LMNB1: variants seen among roughly 807,000 people sequenced by gnomAD.
The protein encoded by LMNB1 is lamin-B1.
LMNB1 carries 23 observed loss-of-function variants against 67.1 expected under a neutral mutation model. That is an observed-to-expected ratio of 0.34 (90% CI 0.25 to 0.49). The LOEUF (loss-of-function observed/expected upper bound fraction) is 0.49. Ranked by LOEUF, LMNB1 falls within the 20% of genes least tolerant of loss-of-function variation. The pLI is 0.99. For missense variants in LMNB1, 634 were observed against 746.5 expected (o/e 0.85, Z 1.76); for synonymous variants, 281 against 282.9 (o/e 0.99, Z 0.07).
At chr5:126,819,601 C>G (rs1310022986) in intron 6 of LMNB1, among the ~76,000 whole-genome samples, 1 of 151,848 alleles carries the variant, frequency 6.6e-6, no homozygotes, top group Non-Finnish European at 1.5e-5. Context: ...AGCGATTTGC[C>G]TACCTCAGCC....
Position 126,799,133 on chromosome 5 carries a change from C to T in LMNB1, c.360-5643C>T, listed in dbSNP as rs998187515. Among the ~76,000 whole-genome samples, 5 of 152,058 alleles carry T rather than the reference C, an allele frequency of 3.3e-5. No homozygotes were observed. The South Asian group carries it at 1.0e-3, about 32-fold the overall frequency. ...CCTGGGGTTCACGCCATTCTCCTGC[C>T]TCAGCCTCCCGAGTAGCTGGGACTA... is the stretch of plus-strand genomic sequence containing the variant. On this transcript the variant is annotated intron_variant, in intron 1 of 10. Transcript: ENST00000261366.
intron 5 of LMNB1, 135 bp downstream of exon 5, chr5:126,812,033 T>G (rs1751590695): frequency 1.3e-6 from 1 of 770,710 alleles, no homozygotes; most frequent in Non-Finnish European, 2.1e-6. Flanking sequence ...TGCTTTCGTC[T>G]TCACAGTACT....
chr5:126,793,138 T>C (rs1751007748), intron 1 of LMNB1, among the ~76,000 whole-genome samples: 1 of 152,200 alleles, frequency 6.6e-6, no homozygotes, highest in Non-Finnish European at 1.5e-5. Context: ...AACTGGAGAA[T>C]GGACATTGGA....
chr5:126,798,356 A>G (rs573579418), intron 1 of LMNB1, among the ~76,000 whole-genome samples: 1 of 150,632 alleles, frequency 6.6e-6, no homozygotes, highest in East Asian at 2.0e-4. Flanking sequence ...AGGCTGAGGC[A>G]GGTGAATGGC....
intron 5 of LMNB1, among the ~76,000 whole-genome samples, chr5:126,817,328 A>G (rs970216573): frequency 4.6e-5 from 7 of 152,176 alleles, no homozygotes; most frequent in African/African-American, 1.7e-4. Context: ...CCAGTCTCCA[A>G]GGAGCCCTGG....
At chr5:126,820,887 A>T in intron 6 of LMNB1, 23 bp from the exon 7 acceptor site, 1 of 1,566,402 alleles carries the variant, frequency 6.4e-7, no homozygotes. Context: ...TTAAAAATGA[A>T]TTGTTTTATT....
chr5:126,793,200 A>G (rs986024845), intron 1 of LMNB1, among the ~76,000 whole-genome samples: 1 of 152,202 alleles, frequency 6.6e-6, no homozygotes, highest in Non-Finnish European at 1.5e-5. Flanking sequence ...CACATTGTAG[A>G]TGAGTGACAA....
Position 126,777,807 on chromosome 5 carries a change from G to T in LMNB1, c.299G>T (p.Arg100Leu). ...RRALDDTARE[R>L]AKLQIELGKC... ...GCGCTCGACGACACGGCCCGCGAGC[G>T]CGCCAAGCTGCAGATCGAGCTGGGC... Residue 100 changes from arginine to leucine, a missense_variant, in exon 1 of 11, where the codon CGC becomes CTC. By Grantham distance (102) the Arg-to-Leu change is moderately radical. Coordinates refer to ENST00000261366, the MANE Select transcript of LMNB1 (RefSeq NM_005573.4). The T allele has an allele frequency of 6.7e-7, 1 of 1,488,472 alleles. No individual in the cohort carries two copies. The highest frequency in any genetic ancestry group is 2.7e-5 in the East Asian group (1 of 36,790). 92.2% of individuals were successfully genotyped at this position (1,488,472 alleles called of 1,614,324 possible).
intron 1 of LMNB1, among the ~76,000 whole-genome samples, chr5:126,800,981 A>T (rs1258760811): frequency 2.7e-3 from 76 of 28,058 alleles, no homozygotes; most frequent in African/African-American, 6.7e-3. Context: ...ATATATATAT[A>T]ATTTTTTTTT....
chr5:126,787,547 T>TATATATATA (rs869071732), intron 1 of LMNB1, among the ~76,000 whole-genome samples: 1 of 37,502 alleles, frequency 2.7e-5, no homozygotes, highest in Non-Finnish European at 6.1e-5. Context: ...TATATATATA[T>TATATATATA]TTTTTTTTTT....
chr5:126,813,527 A>G (rs1676684624), intron 5 of LMNB1, among the ~76,000 whole-genome samples: 1 of 152,250 alleles, frequency 6.6e-6, no homozygotes, highest in Non-Finnish European at 1.5e-5. Flanking sequence ...TTGGGCTGCT[A>G]TAACAAACTA....
chr5:126,810,486 A>C (rs1369537926), intron 4 of LMNB1, 136 bp downstream of exon 4: 4 of 677,442 alleles, frequency 5.9e-6, no homozygotes, highest in Non-Finnish European at 8.9e-6. Context: ...TATATAGAAA[A>C]TTGATTTTTT....
Position 126,836,694 on chromosome 5 carries a change from A to G in LMNB1, c.*430A>G. 1 of 385,762 alleles carries G rather than the reference A, an allele frequency of 2.6e-6. No individual in the cohort carries two copies. Among genetic ancestry groups the G allele is most frequent in the Non-Finnish European group, 4.6e-6 (1 of 219,232 alleles). The allele number at this position is 385,762 out of a possible 1,614,324, so 23.9% of individuals were successfully genotyped here. On this transcript the variant is annotated 3_prime_UTR_variant, in exon 11 of 11. Coordinates refer to ENST00000261366, the MANE Select transcript of LMNB1 (RefSeq NM_005573.4). The stretch of plus-strand genomic sequence containing the variant: ...AAAACGGTGCTGTGAGGGAGGGGAA[A>G]AGCATTTTTCAATATATTGAACTTT...
At chr5:126,812,003 C>G (rs1298855411) in intron 5 of LMNB1, 105 bp downstream of exon 5, 25 of 1,155,514 alleles carry the variant, frequency 2.2e-5, no homozygotes, top group Middle Eastern at 4.1e-4. Flanking sequence ...CTGTTTGTTA[C>G]AGAGGATGGT....
At chr5:126,784,630 C>G (rs1343891408) in intron 1 of LMNB1, among the ~76,000 whole-genome samples, 1 of 150,152 alleles carries the variant, frequency 6.7e-6, no homozygotes, top group African/African-American at 2.4e-5. Flanking sequence ...GCTGGGATTA[C>G]AGGCGTGAGC....
intron 8 of LMNB1, among the ~76,000 whole-genome samples, chr5:126,824,803 A>T (rs1174025197): frequency 6.6e-6 from 1 of 152,044 alleles, no homozygotes; most frequent in African/African-American, 2.4e-5. Flanking sequence ...GCTCTCTCCT[A>T]ATCAGTAATT....
At chr5:126,800,132 GA>G (rs1365337090) in intron 1 of LMNB1, among the ~76,000 whole-genome samples, 1 of 152,178 alleles carries the variant, frequency 6.6e-6, no homozygotes, top group Non-Finnish European at 1.5e-5. Context: ...TTTTTTAACA[GA>G]AATTTTATTG....
At chr5:126,800,193 T>C (rs1055145307) in intron 1 of LMNB1, among the ~76,000 whole-genome samples, 1 of 152,182 alleles carries the variant, frequency 6.6e-6, no homozygotes, top group Admixed American at 6.5e-5. Context: ...GATCTGAAGG[T>C]AATCTCATTT....
In LMNB1 at chr5:126,825,972, C is replaced by T. The variant is rs376633684; in HGVS notation, c.1492-16C>T. 1.2e-6 allele frequency: 2 copies of T among 1,613,288 alleles called. No homozygotes were observed. On this transcript the variant is annotated splice_polypyrimidine_tract_variant and intron_variant, in intron 8 of 10. Transcript: ENST00000261366. ...ACTGGGTTCTGGGTGTACTGACATGCTTTGGTTTTTTACAGATTTGGGCTG... is the reference window on the plus strand; with the variant it reads ...ACTGGGTTCTGGGTGTACTGACATGTTTTGGTTTTTTACAGATTTGGGCTG...
Sources: gnomAD v4.1 joint callset for allele counts (sites outside exome capture counted in the v4.1 genomes callset) on GRCh38, gnomAD v4.1.1 for gene constraint, MANE v1.5 for transcripts, NCBI Gene and HGNC (gene_info 2026-07-23, HGNC 2026-07-21) for gene names.